STRADA: variants seen among roughly 807,000 people sequenced by gnomAD.
STRADA encodes STE20 related adaptor alpha, also known as STE20-related kinase adapter protein alpha.
STRADA carries 26 observed loss-of-function variants against 55.0 expected under a neutral mutation model. That is an observed-to-expected ratio of 0.47 (90% CI 0.35 to 0.66). The LOEUF (loss-of-function observed/expected upper bound fraction) is 0.66. Ranked by LOEUF, STRADA falls within the 30% of genes least tolerant of loss-of-function variation. The pLI, the probability that STRADA is intolerant of heterozygous loss-of-function variation, is 0.01. For synonymous variants in STRADA, 197 were observed against 210.9 expected, an observed-to-expected ratio of 0.93 and a Z score of 0.57; for missense variants, 443 against 549.7, an observed-to-expected ratio of 0.81 and a Z score of 1.94.
chr17:63,733,712 T>C (rs2038227248), intron 1 of STRADA, among the ~76,000 whole-genome samples: 1 of 152,246 alleles, frequency 6.6e-6, no homozygotes, highest in South Asian at 2.1e-4. Flanking sequence ...CTAAACTATT[T>C]GTACAAACAG....
At position 63,703,539 on chromosome 17, in the gene STRADA, G is replaced by A. The variant is rs1339936908; in HGVS notation, c.*60C>T. ...GGGCGGGAATGTGGCCGGCCCTCAG[G>A]AAGGGCCTCTGGGTGGCCTCTGCAT... is the stretch of plus-strand genomic sequence containing the variant. On this transcript the variant is annotated 3_prime_UTR_variant, in exon 13 of 13. Coordinates refer to ENST00000336174, the MANE Select transcript of STRADA (RefSeq NM_001003787.4). The A allele has an allele frequency of 6.6e-7, 1 of 1,513,314 alleles. No homozygotes were observed. The highest frequency in any genetic ancestry group is 1.4e-5 in the African/African-American group (1 of 72,240). 93.7% of individuals were successfully genotyped at this position (1,513,314 alleles called of 1,614,324 possible).
At chr17:63,704,853 A>G (rs1485121722) in intron 10 of STRADA, 1 of 1,535,952 alleles carries the variant, frequency 6.5e-7, no homozygotes, top group South Asian at 1.2e-5. Flanking sequence ...CAGGGCTCAC[A>G]GTTTCCGCTC....
intron 1 of STRADA, among the ~76,000 whole-genome samples, chr17:63,739,775 C>CATATATTATATATGT: frequency 9.4e-6 from 1 of 106,930 alleles, no homozygotes; most frequent in African/African-American, 4.1e-5. Flanking sequence ...TATATATGTA[C>CATATATTATATATGT]ATATATACAT....
chr17:63,723,300 T>G lies in STRADA; in HGVS notation c.121A>C (p.Lys41Gln). The change falls in exon 4 of 13, where the codon AAA becomes CAA. Residue 41 changes from lysine (K) to glutamine (Q), a missense_variant and splice_region_variant. Lys to Gln is a moderately conservative substitution (Grantham distance 53, BLOSUM62 1). Coordinates refer to ENST00000336174, the MANE Select transcript of STRADA (RefSeq NM_001003787.4). ...CTAGGGCCTAGGAAGCCACTTACTT[T>G]TCTCCGAGTGTCACCCGGAGGCTGC... ...GEQPPGDTRR[K>Q]TNDASSESIA... is the part of the protein sequence containing the mutation. The G allele has an allele frequency of 6.2e-7, 1 of 1,614,236 alleles. No homozygotes were observed. The highest frequency in any genetic ancestry group is 8.5e-7 in the Non-Finnish European group (1 of 1,180,038).
At chr17:63,731,456 G>A (rs1041529330) in intron 1 of STRADA, among the ~76,000 whole-genome samples, 16 of 151,188 alleles carry the variant, frequency 1.1e-4, no homozygotes, top group Admixed American at 9.2e-4. Context: ...AGTAGAGGCG[G>A]GGTTTCACCA....
Position 63,710,826 on chromosome 17 carries a change from T to C in STRADA, c.359A>G (p.His120Arg). The part of the protein sequence containing the change: ...EMVTFLQGEL[H>R]VSKLFNHPNI... Reference sequence around the variant, plus strand: ...GGGATGGTTGAAGAGTTTGGAGACATGCAGCTCGCCCTGGAAGCAATGATG... The same window carrying C: ...GGGATGGTTGAAGAGTTTGGAGACACGCAGCTCGCCCTGGAAGCAATGATG... Residue 120 changes from histidine (H) to arginine (R), a missense_variant, in exon 7 of 13, where the codon CAT becomes CGT. His to Arg is a conservative substitution (Grantham distance 29). Coordinates refer to ENST00000336174, the MANE Select transcript of STRADA (RefSeq NM_001003787.4). 1.9e-6 allele frequency: 3 copies of C among 1,614,150 alleles called. No homozygotes were observed. The highest frequency in any genetic ancestry group is 1.3e-5 in the African/African-American group (1 of 75,036).
At chr17:63,706,549 G>C in intron 10 of STRADA, 86 bp downstream of exon 10, 1 of 924,784 alleles carries the variant, frequency 1.1e-6, no homozygotes, top group South Asian at 1.6e-5. Context: ...AGTATTCCTA[G>C]TCTGTGTCCT....
rs142732786 is a variant in STRADA, at chr17:63,731,132, C to T, written c.-44-2719G>A. Among the ~76,000 whole-genome samples, 234 of 151,738 alleles carry T rather than the reference C, an allele frequency of 1.5e-3. 1 individual carries two copies. The highest frequency in any genetic ancestry group is 5.2e-3 in the African/African-American group (214 of 41,364). Reference sequence around the variant, plus strand: ...CTAAGTTTTGTATTTTTAATAGAGACGGGGTTCCACCATGTTGGCCAGGAT... The same window carrying T: ...CTAAGTTTTGTATTTTTAATAGAGATGGGGTTCCACCATGTTGGCCAGGAT... On this transcript the variant is annotated intron_variant, in intron 1 of 12. Coordinates refer to ENST00000336174, the MANE Select transcript of STRADA (RefSeq NM_001003787.4).
intron 1 of STRADA, among the ~76,000 whole-genome samples, chr17:63,738,863 G>T (rs2038648742): frequency 8.6e-6 from 1 of 116,864 alleles, no homozygotes; most frequent in South Asian, 2.4e-4. Context: ...AATAATAATG[G>T]GGAACAGGCC....
At chr17:63,715,263 A>G (rs761978844) in intron 4 of STRADA, 3 of 152,210 alleles carry the variant, frequency 2.0e-5, no homozygotes, top group Non-Finnish European at 4.4e-5. Context: ...TGATTCCTCC[A>G]TAGCTCAGTC....
At chr17:63,704,895 G>A (rs1373929770) in intron 10 of STRADA, 30 of 1,535,866 alleles carry the variant, frequency 2.0e-5, no homozygotes, top group East Asian at 7.3e-5. Flanking sequence ...TCCTTTTACC[G>A]TAGAGTCTTC....
At chr17:63,709,522 G>A (rs1301121064) in intron 8 of STRADA, among the ~76,000 whole-genome samples, 1 of 152,064 alleles carries the variant, frequency 6.6e-6, no homozygotes, top group Non-Finnish European at 1.5e-5. Context: ...TCTGTCACTT[G>A]TTTCTTAACC....
intron 1 of STRADA, among the ~76,000 whole-genome samples, chr17:63,730,323 T>C (rs979406528): frequency 3.3e-5 from 5 of 152,130 alleles, no homozygotes; most frequent in Non-Finnish European, 7.4e-5. Flanking sequence ...TCCTGGAAGT[T>C]GCCTTCATAG....
chr17:63,734,868 G>A (rs918862706), intron 1 of STRADA, among the ~76,000 whole-genome samples: 1 of 151,506 alleles, frequency 6.6e-6, no homozygotes, highest in Non-Finnish European at 1.5e-5. Flanking sequence ...CTAGAAAAGA[G>A]CAAATTTGGC....
Position 63,713,389 on chromosome 17 carries a change from C to T in STRADA, c.348+17G>A, listed in dbSNP as rs2036634944. ...GAGCCCACCCTCCCTCCATGTGACA[C>T]ACTCATGGTTTATTACCTGCAAGAA... On this transcript the variant is annotated intron_variant, in intron 6 of 12. Coordinates refer to ENST00000336174, the MANE Select transcript of STRADA (RefSeq NM_001003787.4). The T allele has an allele frequency of 2.5e-6, 4 of 1,611,344 alleles. No individual in the cohort carries two copies. The highest frequency in any genetic ancestry group is 3.4e-5 in the Admixed American group (2 of 59,424).
chr17:63,736,835 C>G (rs565276645), intron 1 of STRADA, among the ~76,000 whole-genome samples: 1,058 of 84,826 alleles, frequency 0.012, 23 homozygotes, highest in African/African-American at 0.072. Flanking sequence ...TTCTTCCCCC[C>G]ACGCCCCCCC....
At position 63,703,417 on chromosome 17, in the gene STRADA, C is replaced by T; in HGVS notation, c.*182G>A. The stretch of plus-strand genomic sequence containing the variant: ...TGAGATTCCCTTGTGTCTCAAAAGC[C>T]TTGGAGCAGTGAAGTGTCTCTCCAG... On this transcript the variant is annotated 3_prime_UTR_variant, in exon 13 of 13. Transcript: ENST00000336174. 1.6e-6 allele frequency: 1 copy of T among 622,906 alleles called. No homozygotes were observed. 38.6% of individuals were successfully genotyped at this position (622,906 alleles called of 1,614,324 possible).
intron 3 of STRADA, chr17:63,726,335 A>C (rs2144133453): frequency 3.6e-6 from 1 of 278,972 alleles, no homozygotes; most frequent in East Asian, 6.3e-5. Flanking sequence ...TTTTTAAATC[A>C]AGGCTACAGA....
intron 10 of STRADA, 48 bp from the exon 11 acceptor site, chr17:63,704,630 G>A (rs765052527): frequency 3.4e-6 from 3 of 874,284 alleles, no homozygotes; most frequent in African/African-American, 3.6e-5. Context: ...TGGGGGGGGG[G>A]GGTGGTCCCT....
Sources: allele counts gnomAD v4.1 joint callset (sites outside exome capture counted in the v4.1 genomes callset), GRCh38; gene constraint gnomAD v4.1.1; transcripts MANE v1.5; gene names NCBI Gene and HGNC (gene_info 2026-07-23, HGNC 2026-07-21).